Variants in XRCC6 observed in about 807,000 individuals in gnomAD.
The protein encoded by XRCC6 is X-ray repair cross complementing 6.
A neutral mutation model predicts 65.7 loss-of-function variants in XRCC6; 5 were observed. That is an observed-to-expected ratio of 0.08 (90% CI 0.04 to 0.16). XRCC6 has a LOEUF of 0.16. Among genes scored for constraint, XRCC6 ranks in the 10% least tolerant of loss-of-function variants. XRCC6 has a pLI of 1.00. For missense variants in XRCC6, 447 were observed against 738.1 expected (o/e 0.61, Z 4.57); for synonymous variants, 270 against 270.6 (o/e 1.00, Z 0.02).
At chr22:41,635,623 C>G (rs373823495) in intron 3 of XRCC6, among the ~76,000 whole-genome samples, 1 of 152,196 alleles carries the variant, frequency 6.6e-6, no homozygotes, top group African/African-American at 2.4e-5. Flanking sequence ...TCACTGCAGC[C>G]TTCACCTCCT....
At chr22:41,663,411 G>A (rs748998350) in intron 12 of XRCC6, among the ~76,000 whole-genome samples, 4 of 152,136 alleles carry the variant, frequency 2.6e-5, no homozygotes, top group Non-Finnish European at 5.9e-5. Context: ...CACACTACTT[G>A]TAATTTCCTC....
intron 8 of XRCC6, 57 bp from the exon 9 acceptor site, chr22:41,653,470 AAG>A: frequency 6.7e-7 from 1 of 1,493,478 alleles, no homozygotes; most frequent in Non-Finnish European, 9.0e-7. Flanking sequence ...TTAGGGCTAA[AAG>A]AGAAGAAAGG....
At chr22:41,650,417 CAA>C (rs1334242273) in intron 7 of XRCC6, among the ~76,000 whole-genome samples, 2 of 151,950 alleles carry the variant, frequency 1.3e-5, no homozygotes, top group African/African-American at 4.8e-5. Context: ...ATTGTTTTTG[CAA>C]AGAGGATCTC....
At chr22:41,660,017 C>G (rs1490850554) in intron 11 of XRCC6, among the ~76,000 whole-genome samples, 1 of 152,228 alleles carries the variant, frequency 6.6e-6, no homozygotes, top group Admixed American at 6.5e-5. Context: ...ACAGATGATT[C>G]CCAGATTGGG....
intron 9 of XRCC6, among the ~76,000 whole-genome samples, chr22:41,654,332 CATGCTCAGGA>C (rs2068026197): frequency 6.6e-6 from 1 of 152,214 alleles, no homozygotes; most frequent in African/African-American, 2.4e-5. Context: ...TGATCCTCAG[CATGCTCAGGA>C]GTGCTCAGTT....
intron 6 of XRCC6, among the ~76,000 whole-genome samples, chr22:41,646,086 G>A (rs561915156): frequency 6.6e-6 from 1 of 151,926 alleles, no homozygotes; most frequent in Non-Finnish European, 1.5e-5. Context: ...GGTGAATCAC[G>A]AGGTCAGGAG....
intron 7 of XRCC6, among the ~76,000 whole-genome samples, chr22:41,649,138 AAATATATAT>A (rs2067966923): frequency 8.4e-6 from 1 of 119,656 alleles, no homozygotes; most frequent in South Asian, 2.8e-4. Flanking sequence ...AAAAAAAAAA[AAATATATAT>A]ATATATATAT....
At chr22:41,663,513 C>A (rs1388450159) in intron 12 of XRCC6, 109 bp from the exon 13 acceptor site, 1 of 1,289,336 alleles carries the variant, frequency 7.8e-7, no homozygotes, top group Non-Finnish European at 1.1e-6. Context: ...GGCATCACAG[C>A]TTTATGGTTA....
intron 10 of XRCC6, among the ~76,000 whole-genome samples, 155 bp downstream of exon 10, chr22:41,657,187 T>C (rs1472598825): frequency 6.6e-6 from 1 of 152,226 alleles, no homozygotes; most frequent in African/African-American, 2.4e-5. Flanking sequence ...ATATAGAGAA[T>C]GGAACCTTTT....
chr22:41,625,176 A>G (rs1474271507), intron 2 of XRCC6, among the ~76,000 whole-genome samples: 1 of 152,074 alleles, frequency 6.6e-6, no homozygotes, highest in Admixed American at 6.5e-5. Context: ...GTGGTAGCGC[A>G]TGCCTGTAAT....
At chr22:41,644,600 C>T (rs1005430748) in intron 6 of XRCC6, among the ~76,000 whole-genome samples, 1 of 152,104 alleles carries the variant, frequency 6.6e-6, no homozygotes, top group Admixed American at 6.6e-5. Context: ...ATTCTCCTGC[C>T]TCAGCCTCCA....
intron 2 of XRCC6, among the ~76,000 whole-genome samples, chr22:41,623,055 T>C (rs566559449): frequency 5.9e-5 from 9 of 152,144 alleles, no homozygotes; most frequent in Non-Finnish European, 1.3e-4. Flanking sequence ...GTATTTTTCT[T>C]TCAAGTATCT....
chr22:41,652,422 G>A (rs1229913423), intron 8 of XRCC6, among the ~76,000 whole-genome samples: 1 of 150,510 alleles, frequency 6.6e-6, no homozygotes, highest in Non-Finnish European at 1.5e-5. Flanking sequence ...CTAGAGTCCA[G>A]TGGCACCATC....
intron 9 of XRCC6, among the ~76,000 whole-genome samples, chr22:41,656,473 C>T (rs2068045937): frequency 6.6e-6 from 1 of 151,494 alleles, no homozygotes; most frequent in African/African-American, 2.4e-5. Flanking sequence ...GCCGAGATTG[C>T]CCACTGTACT....
chr22:41,652,499 G>C (rs2068010125), intron 8 of XRCC6, among the ~76,000 whole-genome samples: 1 of 151,360 alleles, frequency 6.6e-6, no homozygotes, highest in African/African-American at 2.4e-5. Flanking sequence ...CGAGCAACTG[G>C]GACTACAGGT....
chr22:41,631,843 G>C (rs1353797524), intron 3 of XRCC6, among the ~76,000 whole-genome samples: 1 of 152,154 alleles, frequency 6.6e-6, no homozygotes, highest in Non-Finnish European at 1.5e-5. Context: ...GCACCATTGA[G>C]CACTGAGTGA....
chr22:41,658,448 A>G (rs1211617775), intron 11 of XRCC6, 96 bp downstream of exon 11: 14 of 1,155,136 alleles, frequency 1.2e-5, no homozygotes, highest in East Asian at 9.9e-5. Flanking sequence ...AGTCCTCTCT[A>G]AACACTTAAC....
rs881092 is a variant in XRCC6 at position 41,653,206 on chromosome 22, C to A, written c.1130-323C>A. 7.2e-3 allele frequency among the ~76,000 whole-genome samples: 1,088 copies of A among 151,958 alleles called. 5 individuals carry two copies. The highest frequency in any genetic ancestry group is 0.012 in the Non-Finnish European group (817 of 67,954). On this transcript the variant is annotated intron_variant, in intron 8 of 12. Transcript: ENST00000360079. ...ATCACTTGAGCCTAGGAGTTGGAGA[C>A]CAGCGTGGGTGACTTAGAGATACTT...
chr22:41,628,837 G>A (rs1387642915), intron 3 of XRCC6, among the ~76,000 whole-genome samples: 1 of 151,610 alleles, frequency 6.6e-6, no homozygotes, highest in African/African-American at 2.4e-5. Context: ...ATGGTGGTGC[G>A]CTTCTGTAGT....
Sources: gnomAD v4.1 joint callset for allele counts (sites outside exome capture counted in the v4.1 genomes callset) on GRCh38, gnomAD v4.1.1 for gene constraint, MANE v1.5 for transcripts, NCBI Gene and HGNC (gene_info 2026-07-23, HGNC 2026-07-21) for gene names.